NDRG1: variants seen among roughly 807,000 people sequenced by gnomAD.
NDRG1 encodes protein NDRG1.
A neutral mutation model predicts 56.9 loss-of-function variants in NDRG1; 32 were observed. The ratio of observed to expected loss-of-function variants is 0.56; its 90% confidence interval spans 0.42 to 0.76. The LOEUF (loss-of-function observed/expected upper bound fraction) is 0.76. Among genes scored for constraint, NDRG1 ranks in the 30% least tolerant of loss-of-function variants. The pLI is 0.00. For missense variants in NDRG1, 507 were observed against 545.7 expected, an observed-to-expected ratio of 0.93 and a Z score of 0.71; for synonymous variants, 211 against 204.1, an observed-to-expected ratio of 1.03 and a Z score of -0.29.
chr8:133,250,416 T>A (rs1385967959), intron 10 of NDRG1, 24 bp downstream of exon 10: 2 of 1,581,532 alleles, frequency 1.3e-6, no homozygotes, highest in South Asian at 2.2e-5. Context: ...ATAGCAATGA[T>A]GTGGCTGAAC....
At chr8:133,280,872 T>C (rs1857757216) in intron 2 of NDRG1, 1 of 153,114 alleles carries the variant, frequency 6.5e-6, no homozygotes, top group Non-Finnish European at 1.5e-5. Flanking sequence ...TACAGAAATG[T>C]GATATCTGAC....
chr8:133,243,886 GTTTA>G (rs1265274078), intron 14 of NDRG1, among the ~76,000 whole-genome samples: 2 of 152,148 alleles, frequency 1.3e-5, no homozygotes, highest in African/African-American at 4.8e-5. Context: ...TGATCAATGT[GTTTA>G]TTTGTACATG....
intron 2 of NDRG1, among the ~76,000 whole-genome samples, chr8:133,281,249 C>T (rs1351262864): frequency 1.3e-5 from 2 of 151,526 alleles, no homozygotes; most frequent in South Asian, 2.1e-4. Flanking sequence ...CCCAGCTACT[C>T]GGGAGGCTAA....
intron 1 of NDRG1, among the ~76,000 whole-genome samples, chr8:133,289,773 C>T (rs1858329814): frequency 1.3e-5 from 2 of 152,200 alleles, no homozygotes; most frequent in Admixed American, 1.3e-4. Context: ...CTGAGGGGGA[C>T]ACACAGAGCC....
At position 133,280,279 on chromosome 8, in the gene NDRG1, C is replaced by T. The variant is rs778813101; in HGVS notation, c.64-12G>A. 3 of 1,605,102 alleles carry T rather than the reference C, an allele frequency of 1.9e-6. No homozygotes were observed. Among genetic ancestry groups the T allele is most frequent in the African/African-American group, 2.7e-5 (2 of 74,668 alleles). ...AGGCCGGTGATGGTCTGTGAAAAGA[C>T]AAAAAAAATTGTCAATTTCATCTGT... On this transcript the variant is annotated splice_polypyrimidine_tract_variant and intron_variant, in intron 2 of 15. Transcript: ENST00000323851.
chr8:133,273,788 T>C (rs1857315614), intron 3 of NDRG1, among the ~76,000 whole-genome samples: 2 of 152,134 alleles, frequency 1.3e-5, no homozygotes, highest in Non-Finnish European at 2.9e-5. Flanking sequence ...TATTCATTCT[T>C]CCTCCTCTTC....
chr8:133,241,958 G>A, intron 15 of NDRG1, 65 bp downstream of exon 15: 2 of 1,586,728 alleles, frequency 1.3e-6, no homozygotes, highest in East Asian at 2.2e-5. Context: ...ACCTGGCTCA[G>A]GACAGAGCAC....
Position 133,238,422 on chromosome 8 carries a change from A to C in NDRG1, c.*456T>G. 1 of 249,374 alleles carries C rather than the reference A, an allele frequency of 4.0e-6. No homozygotes were observed. The highest frequency in any genetic ancestry group is 7.8e-6 in the Non-Finnish European group (1 of 128,620). 15.4% of individuals were successfully genotyped at this position (249,374 alleles called of 1,614,324 possible). ...CTATTACCCCCCTCCCCAAATGAGA[A>C]AAGGATTTTGTTTCCGGAAACTGGA... On this transcript the variant is annotated 3_prime_UTR_variant, in exon 16 of 16. Transcript: ENST00000323851.
chr8:133,261,707 G>A (rs1563626381), intron 5 of NDRG1, among the ~76,000 whole-genome samples: 1 of 152,102 alleles, frequency 6.6e-6, no homozygotes, highest in Admixed American at 6.5e-5. Flanking sequence ...CACACCTATC[G>A]TAACGCCAGC....
rs1384160937 is a variant in NDRG1 at position 133,271,701 on chromosome 8, G to A, written c.100-7049C>T. 4.2e-5 allele frequency among the ~76,000 whole-genome samples: 6 copies of A among 141,830 alleles called. No homozygotes were observed. In the Admixed American group the frequency reaches 4.5e-4, roughly 11 times the overall value. 93.0% of individuals were successfully genotyped at this position (141,830 alleles called of 152,430 possible). On this transcript the variant is annotated intron_variant, in intron 3 of 15. Coordinates refer to ENST00000323851, the MANE Select transcript of NDRG1 (RefSeq NM_006096.4). ...AGGCTGAGGTAGGAGGATCACTTGA[G>A]CCCAGGAGGTCACAGTTGCAGTGAG...
At chr8:133,260,341 C>T (rs1856600974) in intron 5 of NDRG1, among the ~76,000 whole-genome samples, 1 of 152,134 alleles carries the variant, frequency 6.6e-6, no homozygotes, top group African/African-American at 2.4e-5. Flanking sequence ...GGGAGATGCT[C>T]CCTCACCCCT....
chr8:133,262,348 T>G, intron 4 of NDRG1, 181 bp from the exon 5 acceptor site: 1 of 689,800 alleles, frequency 1.4e-6, no homozygotes, highest in Non-Finnish European at 2.4e-6. Flanking sequence ...CACTTTCCTC[T>G]GCTGATAAAA....
At chr8:133,280,634 C>G (rs939187756) in intron 2 of NDRG1, among the ~76,000 whole-genome samples, 14 of 151,992 alleles carry the variant, frequency 9.2e-5, no homozygotes, top group Non-Finnish European at 1.6e-4. Flanking sequence ...CGGGATTTCA[C>G]CATGTTAGCC....
At chr8:133,264,715 G>A (rs1856831097) in intron 3 of NDRG1, 63 bp from the exon 4 acceptor site, 2 of 1,355,686 alleles carry the variant, frequency 1.5e-6, no homozygotes, top group Non-Finnish European at 2.1e-6. Context: ...CGTGGCTGAA[G>A]ACAGCCAGCC....
chr8:133,257,747 A>G (rs929320650), intron 7 of NDRG1, among the ~76,000 whole-genome samples: 1 of 152,208 alleles, frequency 6.6e-6, no homozygotes, highest in African/African-American at 2.4e-5. Flanking sequence ...CTGAGAGCCT[A>G]TATGGCCAGA....
intron 9 of NDRG1, among the ~76,000 whole-genome samples, chr8:133,251,354 T>C (rs192292201): frequency 4.6e-5 from 7 of 152,174 alleles, no homozygotes; most frequent in African/African-American, 1.4e-4. Context: ...TTGAGCTGCA[T>C]CAAACAGTCC....
chr8:133,293,675 C>T (rs1586507421), intron 1 of NDRG1, among the ~76,000 whole-genome samples: 1 of 152,202 alleles, frequency 6.6e-6, no homozygotes, highest in South Asian at 2.1e-4. Flanking sequence ...CTTCTTCTCT[C>T]CCCTGTCATT....
At chr8:133,296,665 C>A in intron 1 of NDRG1, 2 of 412,908 alleles carry the variant, frequency 4.8e-6, no homozygotes, top group Non-Finnish European at 9.7e-6. Context: ...TCTACACACT[C>A]GCGCGCAATC....
At position 133,239,006 on chromosome 8, in the gene NDRG1, G is replaced by T; in HGVS notation, c.1057C>A (p.Arg353Ser). 2 of 1,596,610 alleles carry T rather than the reference G, an allele frequency of 1.3e-6. No individual in the cohort carries two copies. Among genetic ancestry groups the T allele is most frequent in the Non-Finnish European group, 1.7e-6 (2 of 1,173,088 alleles). ...CGGGTGCCCTCGCTGGTGTGGGAGC[G>T]GCTTCGGGTGCCCTCGCTGGTGTGG... is the stretch of plus-strand genomic sequence containing the variant. ...RSHTSEGTRS[R>S]SHTSEGTRSR... The change falls in exon 16 of 16, where the codon CGC becomes AGC. Residue 353 changes from arginine to serine, a missense_variant. By Grantham distance (110) the Arg-to-Ser change is moderately radical. Coordinates refer to ENST00000323851, the MANE Select transcript of NDRG1 (RefSeq NM_006096.4).
Sources: allele counts gnomAD v4.1 joint callset (sites outside exome capture counted in the v4.1 genomes callset), GRCh38; gene constraint gnomAD v4.1.1; transcripts MANE v1.5; gene names NCBI Gene and HGNC (gene_info 2026-07-23, HGNC 2026-07-21).